SF3B1: variants seen among roughly 807,000 people sequenced by gnomAD.
The protein encoded by SF3B1 is splicing factor 3b subunit 1, also known as pre-mRNA processing 10.
A neutral mutation model predicts 153.8 loss-of-function variants in SF3B1; 12 were observed. The ratio of observed to expected loss-of-function variants is 0.08; its 90% CI spans 0.05 to 0.13. The LOEUF is 0.13. Ranked by LOEUF, SF3B1 falls within the 10% of genes least tolerant of loss-of-function variation. The pLI, the probability that SF3B1 is intolerant of heterozygous loss-of-function variation, is 1.00. For synonymous variants in SF3B1, 498 were observed against 525.2 expected, an observed-to-expected ratio of 0.95 and a Z score of 0.71; for missense variants, 513 against 1,606.1, an observed-to-expected ratio of 0.32 and a Z score of 11.63.
At chr2:197,434,809 G>A (rs1661995537) in intron 1 of SF3B1, among the ~76,000 whole-genome samples, 163 bp downstream of exon 1, 1 of 152,250 alleles carries the variant, frequency 6.6e-6, no homozygotes, top group South Asian at 2.1e-4. Flanking sequence ...CCATTACGCG[G>A]GGCAGTGGCC....
In SF3B1 at chr2:197,420,541, T is replaced by A. The variant is rs1234164862; in HGVS notation, c.302A>T (p.Tyr101Phe). ...LNDIPQSTEQ[Y>F]DPFAEHRPPK... ...AGGTCTGTGCTCAGCAAATGGATCA[T>A]ACTGAAAAGAGGTATGTCTCACTTA... The change falls in exon 4 of 25, where the codon TAT (tyrosine) becomes TTT (phenylalanine). Residue 101 changes from tyrosine (Y) to phenylalanine (F), a missense_variant and splice_region_variant. Tyr to Phe is a conservative substitution (Grantham distance 22). Transcript: ENST00000335508. 3 of 1,588,174 alleles carry A rather than the reference T, an allele frequency of 1.9e-6. No homozygotes were observed. Among genetic ancestry groups the A allele is most frequent in the Non-Finnish European group, 2.6e-6 (3 of 1,163,666 alleles).
Position 197,403,595 on chromosome 2 carries a change from T to A in SF3B1, c.1709A>T (p.Tyr570Phe). 1 of 1,560,930 alleles carries A rather than the reference T, an allele frequency of 6.4e-7. No individual in the cohort carries two copies. The highest frequency in any genetic ancestry group is 8.6e-7 in the Non-Finnish European group (1 of 1,162,766). The change falls in exon 12 of 25, where the codon TAT becomes TTT. Residue 570 changes from tyrosine (Y) to phenylalanine (F), a missense_variant. By Grantham distance (22) the Tyr-to-Phe change is conservative (BLOSUM62 3). Coordinates refer to ENST00000335508, the MANE Select transcript of SF3B1 (RefSeq NM_012433.4). Reference protein sequence around the residue: ...LYKLDDLVRPYVHKILVVIEP... With the variant: ...LYKLDDLVRPFVHKILVVIEP... Reference sequence around the variant, plus strand: ...TTAAGGAGAACAAACCTTATGCACATATGGACGAACTAAGTCATCAAGTTT... The same window carrying A: ...TTAAGGAGAACAAACCTTATGCACAAATGGACGAACTAAGTCATCAAGTTT...
chr2:197,415,254 A>G (rs2085130206), intron 6 of SF3B1, among the ~76,000 whole-genome samples: 1 of 150,970 alleles, frequency 6.6e-6, no homozygotes, highest in Non-Finnish European at 1.5e-5. Flanking sequence ...AGCTTTAATT[A>G]TTTATTTATT....
chr2:197,427,589 G>A (rs1036138091), intron 1 of SF3B1, among the ~76,000 whole-genome samples: 1 of 152,200 alleles, frequency 6.6e-6, no homozygotes, highest in Non-Finnish European at 1.5e-5. Flanking sequence ...GTAACTTTGT[G>A]TCTGAGGTTT....
At chr2:197,399,581 T>G (rs2084916247) in intron 20 of SF3B1, among the ~76,000 whole-genome samples, 2 of 152,128 alleles carry the variant, frequency 1.3e-5, no homozygotes, top group Admixed American at 1.3e-4. Flanking sequence ...ATAAAGACAA[T>G]AATTTGATCA....
chr2:197,429,130 G>A (rs1417118283), intron 1 of SF3B1, among the ~76,000 whole-genome samples: 3 of 152,118 alleles, frequency 2.0e-5, no homozygotes. Context: ...AACAAATCCT[G>A]TTCCAGCCTA....
In SF3B1 at chr2:197,392,426, T is replaced by G. The variant is rs753486832; in HGVS notation, c.3792A>C (p.Val1264=). The change falls in exon 25 of 25, where the codon GTA becomes GTC. Residue 1264 remains valine, a synonymous_variant. Transcript: ENST00000335508. ...LFHPARKVRD[V]YWKIYNSIYI... ...AGATGGAGTTGTAAATTTTCCAATA[T>G]ACATCTCTGACTTTCCGGGCTGGGT... 1 of 1,611,568 alleles carries G rather than the reference T, an allele frequency of 6.2e-7. No homozygotes were observed. The highest frequency in any genetic ancestry group is 8.5e-7 in the Non-Finnish European group (1 of 1,178,232).
intron 5 of SF3B1, among the ~76,000 whole-genome samples, chr2:197,418,031 T>A (rs951988181): frequency 3.3e-5 from 5 of 150,348 alleles, no homozygotes; most frequent in African/African-American, 1.2e-4. Flanking sequence ...AGGTCAGGAG[T>A]TTGAGACCAG....
rs1414113835 is a variant in SF3B1, at chr2:197,390,549, TGAG to T, written c.*1751_*1753del. The T allele has an allele frequency of 6.6e-6, 1 of 152,130 alleles. No homozygotes were observed. Among genetic ancestry groups the T allele is most frequent in the Non-Finnish European group, 1.5e-5 (1 of 68,032 alleles). 9.4% of individuals were successfully genotyped at this position (152,130 alleles called of 1,614,324 possible). ...CAGAAAGTTGTCATACAAGGAATGA[TGAG>T]GAGTTACAAATCCAACTTGGAAACC... On this transcript the variant is annotated 3_prime_UTR_variant, in exon 25 of 25. Transcript: ENST00000335508.
At position 197,434,856 on chromosome 2, in the gene SF3B1, G is replaced by A. The variant is rs2085498009; in HGVS notation, c.28+116C>T. 5 of 1,172,398 alleles carry A rather than the reference G, an allele frequency of 4.3e-6. No individual in the cohort carries two copies. The East Asian group carries it at 7.2e-5, about 17-fold the overall frequency. The allele number at this position is 1,172,398 out of a possible 1,614,324, so 72.6% of individuals were successfully genotyped here. A position where few individuals can be genotyped will look rare whatever the true frequency, so the allele number is the denominator to read the frequency against. ...CGCGGAGGAGACGACCCTTGGCCCC[G>A]AAACGCGGGCTCAGCTCCTACGAAA... On this transcript the variant is annotated intron_variant, in intron 1 of 24. Coordinates refer to ENST00000335508, the MANE Select transcript of SF3B1 (RefSeq NM_012433.4).
chr2:197,404,843 G>C, intron 11 of SF3B1: 1 of 377,056 alleles, frequency 2.7e-6, no homozygotes, highest in African/African-American at 2.1e-5. Flanking sequence ...CTACTATTTT[G>C]TGGTCTACAT....
At position 197,400,789 on chromosome 2, in the gene SF3B1, C is replaced by T. The variant is rs754803736; in HGVS notation, c.2644G>A (p.Ala882Thr). The T allele has an allele frequency of 6.2e-7, 1 of 1,613,170 alleles. No homozygotes were observed. The highest frequency in any genetic ancestry group is 8.5e-7 in the Non-Finnish European group (1 of 1,179,338). ...TCTTCAAGTTTATGATCAATATCTG[C>T]TGCTCCCAAATTACCCATAATTTTC... ...IEKIMGNLGA[A>T]DIDHKLEEQL... The change falls in exon 18 of 25, where the codon GCA becomes ACA. Residue 882 changes from alanine to threonine, a missense_variant. Physicochemically the swap from Ala to Thr is moderately conservative, Grantham distance 58 (BLOSUM62 0). Around this residue, in one of 21 missense-constraint regions of SF3B1, gnomAD observed 14 missense variants for 17.4 expected, o/e 0.80. Transcript: ENST00000335508. This position sits in a 1 kb window ranked among gnomAD's most constrained non-coding sequence, Gnocchi z 5.0.
rs774397512 is a variant in SF3B1, at chr2:197,423,840, C to T, written c.163G>A (p.Val55Met). 6 of 1,613,778 alleles carry T rather than the reference C, an allele frequency of 3.7e-6. No individual in the cohort carries two copies. The highest frequency in any genetic ancestry group is 5.1e-6 in the Non-Finnish European group (6 of 1,179,960). ...GGSDSRFAGYVTSIAATELED... is the reference protein window; with the variant it reads ...GGSDSRFAGYMTSIAATELED... ...AGTTCAGTTGCAGCAATTGATGTCA[C>T]GTATCCAGCAAATCTGCTGTCACTT... is the stretch of plus-strand genomic sequence containing the variant. The change falls in exon 2 of 25, where the codon GTG becomes ATG. Residue 55 changes from valine (V) to methionine (M), a missense_variant. By Grantham distance (21) the Val-to-Met change is conservative. This residue lies in a region of SF3B1 where 14 missense variants were observed against 54.8 expected (regional missense o/e 0.26). Coordinates refer to ENST00000335508, the MANE Select transcript of SF3B1 (RefSeq NM_012433.4).
At chr2:197,399,195 A>C (rs2084910369) in intron 20 of SF3B1, among the ~76,000 whole-genome samples, 1 of 152,206 alleles carries the variant, frequency 6.6e-6, no homozygotes, top group Non-Finnish European at 1.5e-5. Context: ...TGGCCATGTA[A>C]ATGATTTCTG....
intron 1 of SF3B1, among the ~76,000 whole-genome samples, chr2:197,424,707 T>C (rs1033499139): frequency 6.6e-6 from 1 of 152,222 alleles, no homozygotes; most frequent in Non-Finnish European, 1.5e-5. Context: ...ACCAGGTTAA[T>C]TTTGCAAAGT....
At position 197,398,008 on chromosome 2, in the gene SF3B1, A is replaced by G. The variant is rs1206230889; in HGVS notation, c.3243T>C (p.Phe1081=). Residue 1081 remains phenylalanine (F), a synonymous_variant, in exon 22 of 25, where the codon TTT becomes TTC. Transcript: ENST00000335508. The part of the protein sequence containing the change: ...KAIRRATVNT[F]GYIAKAIGPH... ...ACCCAATGGCCTTTGCAATATAACC[A>G]AATGTGTTGACTGTGGCTCTACGAA... is the stretch of plus-strand genomic sequence containing the variant. 6.2e-7 allele frequency: 1 copy of G among 1,613,604 alleles called. No individual in the cohort carries two copies. Among genetic ancestry groups the G allele is most frequent in the Non-Finnish European group, 8.5e-7 (1 of 1,179,668 alleles).
intron 20 of SF3B1, among the ~76,000 whole-genome samples, chr2:197,399,530 T>C (rs958293485): frequency 6.6e-6 from 1 of 152,208 alleles, no homozygotes; most frequent in East Asian, 1.9e-4. Flanking sequence ...TATTACGGGT[T>C]AGAAAACTGA....
At position 197,427,684 on chromosome 2, in the gene SF3B1, T is replaced by A. The variant is rs547479801; in HGVS notation, c.29-3710A>T. On this transcript the variant is annotated intron_variant, in intron 1 of 24. Transcript: ENST00000335508. ...AGCTGAGCAGTGGGTTAGTGTTCAT[T>A]ATATTTTGTCCTATTCTCTTCTGCA... 3.9e-5 allele frequency among the ~76,000 whole-genome samples: 6 copies of A among 152,312 alleles called. No individual in the cohort carries two copies. The South Asian group carries it at 1.2e-3, about 32-fold the overall frequency.
chr2:197,430,067 G>T (rs1470950971), intron 1 of SF3B1, among the ~76,000 whole-genome samples: 1 of 152,090 alleles, frequency 6.6e-6, no homozygotes, highest in Non-Finnish European at 1.5e-5. Flanking sequence ...AACTGAAAAA[G>T]ATTTAAGAGA....
Sources: allele counts gnomAD v4.1 joint callset (sites outside exome capture counted in the v4.1 genomes callset), GRCh38; gene constraint gnomAD v4.1.1; regional missense constraint gnomAD v4.1.1; non-coding constraint Gnocchi (gnomAD v3.1); transcripts MANE v1.5; gene names NCBI Gene and HGNC (gene_info 2026-07-23, HGNC 2026-07-21).